The following ETV6 variants were observed in gnomAD, a reference collection of about 807,000 sequenced individuals.
ETV6 encodes the protein transcription factor ETV6.
In ETV6, 16 loss-of-function variants were observed where a neutral mutation model predicts 51.1. The ratio of observed to expected loss-of-function variants is 0.31; its 90% CI spans 0.21 to 0.48. The LOEUF (loss-of-function observed/expected upper bound fraction) is 0.48, where lower values mean the gene tolerates loss of function less well. Among genes scored for constraint, ETV6 ranks in the 20% least tolerant of loss-of-function variants. The probability of loss-of-function intolerance (pLI) is 0.99; values close to 1 mark genes in which losing one functional copy is unlikely to be tolerated. For missense variants in ETV6, 458 were observed against 594.8 expected (o/e 0.77, Z 2.39); for synonymous variants, 240 against 224.1 (o/e 1.07, Z -0.64).
chr12:11,875,794 A>G (rs58461426), intron 5 of ETV6, among the ~76,000 whole-genome samples: 16 of 152,126 alleles, frequency 1.1e-4, no homozygotes, highest in Non-Finnish European at 1.9e-4. Flanking sequence ...AAATCCAGCC[A>G]CCATGCGTTT....
At chr12:11,821,815 T>C (rs949425519) in intron 2 of ETV6, among the ~76,000 whole-genome samples, 1 of 152,192 alleles carries the variant, frequency 6.6e-6, no homozygotes, top group African/African-American at 2.4e-5. Flanking sequence ...ACAACAACTC[T>C]GTTGTCTGGG....
At chr12:11,770,842 G>A (rs2136351876) in intron 2 of ETV6, among the ~76,000 whole-genome samples, 1 of 152,104 alleles carries the variant, frequency 6.6e-6, no homozygotes, top group Admixed American at 6.5e-5. Context: ...CAAGGCTGCA[G>A]TGAGCCATGA....
chr12:11,702,365 A>G (rs528008828), intron 1 of ETV6, among the ~76,000 whole-genome samples: 2 of 152,312 alleles, frequency 1.3e-5, no homozygotes, highest in East Asian at 1.9e-4. Context: ...CGATCTTATT[A>G]TACCCATAGT....
intron 4 of ETV6, among the ~76,000 whole-genome samples, chr12:11,867,564 C>T (rs917977622): frequency 2.0e-5 from 3 of 152,092 alleles, no homozygotes; most frequent in Non-Finnish European, 4.4e-5. Context: ...TAGATGAGAT[C>T]TAGTAGAACT....
chr12:11,716,411 G>A (rs1243953241), intron 1 of ETV6, among the ~76,000 whole-genome samples: 1 of 151,456 alleles, frequency 6.6e-6, no homozygotes, highest in Non-Finnish European at 1.5e-5. Flanking sequence ...CTGGTGAATT[G>A]GGAGTGATTT....
chr12:11,805,431 G>A (rs539212398), intron 2 of ETV6, among the ~76,000 whole-genome samples: 1 of 152,272 alleles, frequency 6.6e-6, no homozygotes, highest in South Asian at 2.1e-4. Context: ...CAGGAGCAGG[G>A]ATAGACAAGA....
intron 1 of ETV6, among the ~76,000 whole-genome samples, chr12:11,715,677 C>T (rs1039257565): frequency 2.0e-5 from 3 of 152,154 alleles, no homozygotes; most frequent in African/African-American, 4.8e-5. Flanking sequence ...ACATTGTTTT[C>T]CTTGTTTTTG....
At chr12:11,673,111 T>G (rs1432763440) in intron 1 of ETV6, among the ~76,000 whole-genome samples, 2 of 152,304 alleles carry the variant, frequency 1.3e-5, no homozygotes, top group Middle Eastern at 6.8e-3. Flanking sequence ...GCTGGGTAAC[T>G]GTGCAGGGCT....
intron 1 of ETV6, among the ~76,000 whole-genome samples, chr12:11,687,855 A>G (rs1274645756): frequency 1.3e-5 from 2 of 152,246 alleles, no homozygotes; most frequent in Non-Finnish European, 2.9e-5. Context: ...TTTAAAGCAC[A>G]GAGAAAGTTT....
At chr12:11,788,098 C>T (rs959391081) in intron 2 of ETV6, among the ~76,000 whole-genome samples, 1 of 152,174 alleles carries the variant, frequency 6.6e-6, no homozygotes, top group African/African-American at 2.4e-5. Context: ...TTAACAAATA[C>T]CCATTAAAAG....
At chr12:11,778,931 G>C (rs991089255) in intron 2 of ETV6, among the ~76,000 whole-genome samples, 1 of 152,218 alleles carries the variant, frequency 6.6e-6, no homozygotes, top group Admixed American at 6.5e-5. Context: ...CTTGAACACT[G>C]TCAAACTGTC....
intron 1 of ETV6, among the ~76,000 whole-genome samples, chr12:11,746,809 TTTTTA>T (rs1471785030): frequency 4.0e-5 from 6 of 149,922 alleles, no homozygotes; most frequent in African/African-American, 7.4e-5. Context: ...TTTTTTTTTT[TTTTTA>T]ATCTCACTAT....
At chr12:11,675,975 G>A (rs1183109256) in intron 1 of ETV6, among the ~76,000 whole-genome samples, 3 of 152,122 alleles carry the variant, frequency 2.0e-5, no homozygotes, top group South Asian at 2.1e-4. Flanking sequence ...TGATGAAGGA[G>A]GAACTGGGTA....
intron 2 of ETV6, among the ~76,000 whole-genome samples, chr12:11,811,426 G>A (rs570403420): frequency 6.6e-6 from 1 of 152,250 alleles, no homozygotes; most frequent in East Asian, 1.9e-4. Flanking sequence ...CGCTGCCTTC[G>A]AAACACTTCC....
At chr12:11,809,874 C>T (rs1378965627) in intron 2 of ETV6, among the ~76,000 whole-genome samples, 1 of 129,210 alleles carries the variant, frequency 7.7e-6, no homozygotes, top group Non-Finnish European at 1.5e-5. Flanking sequence ...GGCTGGAGTG[C>T]AGTGGCGTGA....
At chr12:11,826,521 C>T (rs1351799378) in intron 2 of ETV6, 1 of 152,306 alleles carries the variant, frequency 6.6e-6, no homozygotes, top group African/African-American at 2.4e-5. Context: ...CTGCCACCTA[C>T]TTGGGAGTCT....
At chr12:11,676,729 C>T (rs1197651704) in intron 1 of ETV6, among the ~76,000 whole-genome samples, 1 of 152,130 alleles carries the variant, frequency 6.6e-6, no homozygotes, top group East Asian at 1.9e-4. Flanking sequence ...TGTCAATAAG[C>T]CCACGAGATC....
chr12:11,663,179 G>A (rs1244301651), intron 1 of ETV6, among the ~76,000 whole-genome samples: 1 of 152,230 alleles, frequency 6.6e-6, no homozygotes, highest in Non-Finnish European at 1.5e-5. Context: ...TGCGTTGAAC[G>A]ATTTCTGCAT....
intron 1 of ETV6, among the ~76,000 whole-genome samples, chr12:11,650,504 A>AAAAAAAAAAAAAAAAAAAAAC (rs1555109540): frequency 5.3e-5 from 5 of 94,222 alleles, no homozygotes; most frequent in African/African-American, 2.1e-4. Flanking sequence ...AACAAAAAAC[A>AAAAAAAAAAAAAAAAAAAAAC]AAAAAAAAAA....
Sources: allele counts gnomAD v4.1 joint callset (sites outside exome capture counted in the v4.1 genomes callset), GRCh38; gene constraint gnomAD v4.1.1; transcripts MANE v1.5; gene names NCBI Gene and HGNC (gene_info 2026-07-23, HGNC 2026-07-21).